The following PTPRD variants were observed in gnomAD, a reference collection of about 807,000 sequenced individuals.
PTPRD encodes protein tyrosine phosphatase receptor type D.
Under a neutral mutation model 214.5 loss-of-function variants are expected in PTPRD, and 34 were observed. The ratio of observed to expected loss-of-function variants is 0.16; its 90% CI spans 0.12 to 0.21. The LOEUF is 0.21. PTPRD is among the 10% of genes least tolerant of loss of function. The pLI, the probability that PTPRD is intolerant of heterozygous loss-of-function variation, is 1.00. For missense variants in PTPRD, 2,545 were observed against 2,398.7 expected (o/e 1.06, Z -1.27); for synonymous variants, 1,128 against 845.7 (o/e 1.33, Z -5.79).
intron 9 of PTPRD, among the ~76,000 whole-genome samples, chr9:9,326,231 T>G (rs537368500): frequency 6.6e-6 from 1 of 152,076 alleles, no homozygotes; most frequent in Admixed American, 6.6e-5. Flanking sequence ...CTTTGGATAC[T>G]GTGATCTTTC....
chr9:8,594,205 C>T (rs2094328514), intron 14 of PTPRD, among the ~76,000 whole-genome samples: 1 of 152,146 alleles, frequency 6.6e-6, no homozygotes, highest in African/African-American at 2.4e-5. Context: ...CTCCATGACA[C>T]TCAATTACTT....
chr9:9,218,657 T>C (rs1488114310), intron 9 of PTPRD, among the ~76,000 whole-genome samples: 1 of 152,096 alleles, frequency 6.6e-6, no homozygotes, highest in East Asian at 1.9e-4. Flanking sequence ...TCTGGGACTG[T>C]AACATATATA....
intron 5 of PTPRD, chr9:9,800,765 G>A (rs116820561): frequency 3.9e-4 from 60 of 152,286 alleles, no homozygotes; most frequent in African/African-American, 1.4e-3. Flanking sequence ...ATCCAATGTT[G>A]AAAGGTGTTC....
Position 8,349,489 on chromosome 9 carries a change from C to T in PTPRD, c.4662-7511G>A, listed in dbSNP as rs147165530. ...TTTTCTTTGATCCTGAAAAACTCAGCTCTCCATTGCAGTGATAATGACGGA... is the reference window on the plus strand; with the variant it reads ...TTTTCTTTGATCCTGAAAAACTCAGTTCTCCATTGCAGTGATAATGACGGA... On this transcript the variant is annotated intron_variant, in intron 39 of 45. Coordinates refer to ENST00000381196, the MANE Select transcript of PTPRD (RefSeq NM_002839.4). Among the ~76,000 whole-genome samples, 598 of 152,262 alleles carry T rather than the reference C, an allele frequency of 3.9e-3. 3 individuals carry two copies. Among genetic ancestry groups the T allele is most frequent in the Non-Finnish European group, 6.6e-3 (448 of 68,022 alleles).
At chr9:8,328,134 G>T (rs963987485) in intron 44 of PTPRD, among the ~76,000 whole-genome samples, 2 of 152,120 alleles carry the variant, frequency 1.3e-5, no homozygotes, top group Non-Finnish European at 2.9e-5. Context: ...ACAATTTGGT[G>T]TGTTTTTGCA....
intron 10 of PTPRD, among the ~76,000 whole-genome samples, chr9:9,062,662 T>C (rs944109617): frequency 6.6e-6 from 1 of 152,216 alleles, no homozygotes; most frequent in African/African-American, 2.4e-5. Flanking sequence ...AAGAGTTGAA[T>C]GTATGTTTCA....
At chr9:8,339,084 G>T (rs749683748) in intron 42 of PTPRD, 37 bp from the exon 43 acceptor site, 2 of 1,587,180 alleles carry the variant, frequency 1.3e-6, no homozygotes, top group East Asian at 2.3e-5. Flanking sequence ...ACTATGCAAA[G>T]TATAAAGAAC....
At chr9:8,897,286 G>C (rs1346152701) in intron 11 of PTPRD, among the ~76,000 whole-genome samples, 1 of 151,220 alleles carries the variant, frequency 6.6e-6, no homozygotes, top group Non-Finnish European at 1.5e-5. Flanking sequence ...TGAGTGAAAA[G>C]ACAATAAGCA....
At chr9:9,079,470 G>C (rs1295843299) in intron 10 of PTPRD, among the ~76,000 whole-genome samples, 1 of 152,110 alleles carries the variant, frequency 6.6e-6, no homozygotes, top group Non-Finnish European at 1.5e-5. Context: ...GTAGATGTGA[G>C]ATGCAGATGT....
intron 2 of PTPRD, among the ~76,000 whole-genome samples, chr9:10,485,371 G>C (rs2099125929): frequency 6.6e-6 from 1 of 151,954 alleles, no homozygotes; most frequent in Non-Finnish European, 1.5e-5. Context: ...ATATAACTTT[G>C]AGAATTTTTT....
At chr9:8,863,701 A>T (rs79318602) in intron 11 of PTPRD, among the ~76,000 whole-genome samples, 6,588 of 152,270 alleles carry the variant, frequency 0.043, 369 homozygotes, top group African/African-American at 0.12. Flanking sequence ...TATTGCTAAC[A>T]TAAATGGGTG....
chr9:9,500,903 A>G (rs994336660), intron 8 of PTPRD, among the ~76,000 whole-genome samples: 2 of 152,034 alleles, frequency 1.3e-5, no homozygotes, highest in African/African-American at 4.8e-5. Flanking sequence ...ATACTACTCT[A>G]TTTTATGTGA....
intron 2 of PTPRD, among the ~76,000 whole-genome samples, chr9:10,367,087 A>G (rs1297350484): frequency 6.6e-6 from 1 of 151,982 alleles, no homozygotes; most frequent in African/African-American, 2.4e-5. Flanking sequence ...CATAAAAAAA[A>G]AAAAAAAGGA....
intron 3 of PTPRD, among the ~76,000 whole-genome samples, chr9:10,111,113 A>T (rs1334169013): frequency 6.6e-6 from 1 of 152,144 alleles, no homozygotes; most frequent in East Asian, 1.9e-4. Flanking sequence ...AGGGGAGAAT[A>T]CAATGCTTTA....
intron 2 of PTPRD, among the ~76,000 whole-genome samples, chr9:10,557,771 G>T (rs2062946424): frequency 6.6e-6 from 1 of 152,114 alleles, no homozygotes; most frequent in Non-Finnish European, 1.5e-5. Flanking sequence ...GGGCTAAGGA[G>T]GTCATTTCCA....
chr9:8,627,687 G>A (rs1260763686), intron 14 of PTPRD, among the ~76,000 whole-genome samples: 3 of 151,682 alleles, frequency 2.0e-5, no homozygotes, highest in Non-Finnish European at 4.4e-5. Context: ...TCAAAAGATA[G>A]ATCAGAAGGA....
At position 8,361,809 on chromosome 9, in the gene PTPRD, A is replaced by T. The variant is rs891780802; in HGVS notation, c.4661+14127T>A. On this transcript the variant is annotated intron_variant, in intron 39 of 45. Transcript: ENST00000381196. ...ATGACCAAACTAAAAAAAATTCTGAAAAAACAGCCTCCTTTGTTCCCGCTT... is the reference window on the plus strand; with the variant it reads ...ATGACCAAACTAAAAAAAATTCTGATAAAACAGCCTCCTTTGTTCCCGCTT... 2.0e-5 allele frequency among the ~76,000 whole-genome samples: 3 copies of T among 152,110 alleles called. No homozygotes were observed. In the South Asian group the frequency reaches 6.2e-4, roughly 31 times the overall value.
chr9:10,125,302 G>T (rs532214440), intron 3 of PTPRD, among the ~76,000 whole-genome samples: 3 of 151,702 alleles, frequency 2.0e-5, no homozygotes, highest in African/African-American at 7.3e-5. Flanking sequence ...TACATGTTGT[G>T]CTATTTAAAG....
chr9:10,125,427 TTATTA>T (rs1563972117), intron 3 of PTPRD, among the ~76,000 whole-genome samples: 10 of 60,754 alleles, frequency 1.6e-4, no homozygotes, highest in African/African-American at 7.3e-4. Context: ...TTTTATTTTA[TTATTA>T]TTATTATTAT....
Sources: gnomAD v4.1 joint callset for allele counts (sites outside exome capture counted in the v4.1 genomes callset) on GRCh38, gnomAD v4.1.1 for gene constraint, MANE v1.5 for transcripts, NCBI Gene and HGNC (gene_info 2026-07-23, HGNC 2026-07-21) for gene names.